The following MKLN1 variants were observed in gnomAD, a reference collection of about 807,000 sequenced individuals.
MKLN1 encodes muskelin.
In MKLN1, 18 loss-of-function variants were observed where a neutral mutation model predicts 99.0. That is an observed-to-expected ratio of 0.18 (90% CI 0.13 to 0.27). MKLN1 has a LOEUF of 0.27. Ranked by LOEUF, MKLN1 falls within the 10% of genes least tolerant of loss-of-function variation. The pLI, the probability that MKLN1 is intolerant of heterozygous loss-of-function variation, is 1.00. For missense variants in MKLN1, 621 were observed against 875.9 expected (o/e 0.71, Z 3.67); for synonymous variants, 288 against 293.2 (o/e 0.98, Z 0.18).
intron 3 of MKLN1, 125 bp from the exon 4 acceptor site, chr7:131,388,759 A>G (rs1584686016): frequency 5.1e-6 from 3 of 585,676 alleles, no homozygotes; most frequent in East Asian, 5.9e-5. Context: ...ACTTGTTTAT[A>G]TTGTCTTGGT....
chr7:131,251,293 C>T (rs1287789137), intron 3 of MKLN1, among the ~76,000 whole-genome samples: 10 of 152,198 alleles, frequency 6.6e-5, no homozygotes, highest in African/African-American at 2.2e-4. Context: ...AGATATTAAA[C>T]GACCTTATTG....
At position 131,315,406 on chromosome 7, in the gene MKLN1, C is replaced by T. The variant is rs147641585; in HGVS notation, c.-178-60018C>T. On this transcript the variant is annotated intron_variant, in intron 3 of 7. Transcript: ENST00000416992. ...TGCTTTTCCCACGGTATTTGCAAGCCGGAGATCAGGAGAGTCCTTCGTGAG... is the reference window on the plus strand; with the variant it reads ...TGCTTTTCCCACGGTATTTGCAAGCTGGAGATCAGGAGAGTCCTTCGTGAG... Among the ~76,000 whole-genome samples, 17 of 152,240 alleles carry T rather than the reference C, an allele frequency of 1.1e-4. No homozygotes were observed. The East Asian group carries it at 2.7e-3, about 24-fold the overall frequency.
chr7:131,416,700 A>C (rs1270848024), intron 8 of MKLN1, among the ~76,000 whole-genome samples: 1 of 152,010 alleles, frequency 6.6e-6, no homozygotes. Flanking sequence ...TATTTCAGCT[A>C]GGCACAGTGA....
At chr7:131,243,726 A>T (rs1373075162) in intron 3 of MKLN1, among the ~76,000 whole-genome samples, 4 of 152,204 alleles carry the variant, frequency 2.6e-5, no homozygotes, top group African/African-American at 7.2e-5. Context: ...TTTAAAAATT[A>T]TGTCAGGCCC....
intron 9 of MKLN1, among the ~76,000 whole-genome samples, chr7:131,433,549 A>G (rs1211853361): frequency 6.6e-6 from 1 of 152,234 alleles, no homozygotes; most frequent in Non-Finnish European, 1.5e-5. Context: ...CAAAATGGTT[A>G]TACCATTTTA....
At position 131,394,108 on chromosome 7, in the gene MKLN1, A is replaced by G. The variant is rs183947427; in HGVS notation, c.401-3159A>G. On this transcript the variant is annotated intron_variant, in intron 4 of 17. Transcript: ENST00000352689. ...ATAAACTTTTAAATGACACTGCTACATAAAGAAACACTAAAACAATAAAGA... is the reference window on the plus strand; with the variant it reads ...ATAAACTTTTAAATGACACTGCTACGTAAAGAAACACTAAAACAATAAAGA... Among the ~76,000 whole-genome samples the G allele has an allele frequency of 4.6e-5, 7 of 152,198 alleles. No individual in the cohort carries two copies. The East Asian group carries it at 1.3e-3, about 29-fold the overall frequency.
chr7:131,477,237 A>G (rs1446858146), intron 16 of MKLN1, among the ~76,000 whole-genome samples: 1 of 152,162 alleles, frequency 6.6e-6, no homozygotes, highest in Non-Finnish European at 1.5e-5. Context: ...ATTTCTGCTC[A>G]TTAAAGGACT....
At chr7:131,261,710 A>C (rs1337998704) in intron 3 of MKLN1, among the ~76,000 whole-genome samples, 1 of 152,218 alleles carries the variant, frequency 6.6e-6, no homozygotes, top group Non-Finnish European at 1.5e-5. Context: ...TCACTGAAGC[A>C]CTATTCACAA....
intron 1 of MKLN1, among the ~76,000 whole-genome samples, chr7:131,342,537 G>A (rs1276254900): frequency 6.6e-6 from 1 of 152,236 alleles, no homozygotes; most frequent in Admixed American, 6.5e-5. Context: ...TTTGGAAGCA[G>A]TGAAACTTGT....
chr7:131,140,526 A>G (rs1356900027), intron 1 of MKLN1, among the ~76,000 whole-genome samples: 1 of 151,940 alleles, frequency 6.6e-6, no homozygotes, highest in East Asian at 1.9e-4. Context: ...ATGAACACTG[A>G]TGTTCAAAAG....
intron 1 of MKLN1, among the ~76,000 whole-genome samples, chr7:131,120,231 A>AT (rs1349254014): frequency 6.6e-6 from 1 of 151,184 alleles, no homozygotes; most frequent in Non-Finnish European, 1.5e-5. Context: ...CAGCTTAGAA[A>AT]TTTTTTCTGT....
intron 2 of MKLN1, among the ~76,000 whole-genome samples, chr7:131,151,830 C>T (rs1467237048): frequency 2.6e-5 from 4 of 152,116 alleles, no homozygotes; most frequent in Non-Finnish European, 4.4e-5. Flanking sequence ...CACACTCATA[C>T]ACACACCAGA....
Position 131,187,323 on chromosome 7 carries a change from C to CTT in MKLN1, c.-296-15522_-296-15521dup, listed in dbSNP as rs67338403. On this transcript the variant is annotated intron_variant, in intron 2 of 7. Coordinates refer to the MKLN1 transcript ENST00000416992. ...GAGGAAGTAAATTCACTTCATTTGT[C>CTT]TTTTTTTTTTTTTCCAAAACAACTG... Among the ~76,000 whole-genome samples, 1,011 of 146,940 alleles carry CTT rather than the reference C, an allele frequency of 6.9e-3. 8 individuals carry two copies. The highest frequency in any genetic ancestry group is 0.034 in the East Asian group (172 of 5,058).
chr7:131,223,572 T>C (rs576689752), intron 3 of MKLN1, among the ~76,000 whole-genome samples: 1 of 152,272 alleles, frequency 6.6e-6, no homozygotes, highest in South Asian at 2.1e-4. Context: ...CTTTCATGCC[T>C]CCTGTCAGCT....
chr7:131,434,384 A>T (rs1187634172), intron 9 of MKLN1, among the ~76,000 whole-genome samples: 3 of 152,096 alleles, frequency 2.0e-5, no homozygotes. Flanking sequence ...TTTACTTTCC[A>T]TTTGTTGGCT....
chr7:131,407,607 G>T (rs1355282453), intron 6 of MKLN1, among the ~76,000 whole-genome samples: 3 of 149,868 alleles, frequency 2.0e-5, no homozygotes, highest in African/African-American at 7.4e-5. Flanking sequence ...TTAAGATTTT[G>T]TTTCTTAGCA....
chr7:131,295,839 T>TC, intron 3 of MKLN1, among the ~76,000 whole-genome samples: 1 of 145,376 alleles, frequency 6.9e-6, no homozygotes, highest in Non-Finnish European at 1.5e-5. Context: ...GAGTAATGAT[T>TC]CCACTACTGC....
chr7:131,125,201 T>C (rs1795434673), intron 1 of MKLN1, among the ~76,000 whole-genome samples: 1 of 152,248 alleles, frequency 6.6e-6, no homozygotes, highest in South Asian at 2.1e-4. Flanking sequence ...GCTTATCTGA[T>C]ATCTACTGAC....
intron 1 of MKLN1, among the ~76,000 whole-genome samples, chr7:131,339,445 C>A (rs11766655): frequency 0.037 from 5,596 of 152,224 alleles, 133 homozygotes; most frequent in Non-Finnish European, 0.053. Flanking sequence ...TGGCTCGTGC[C>A]TGTAATCCCA....
Sources: allele counts gnomAD v4.1 joint callset (sites outside exome capture counted in the v4.1 genomes callset), GRCh38; gene constraint gnomAD v4.1.1; transcripts MANE v1.5; gene names NCBI Gene and HGNC (gene_info 2026-07-23, HGNC 2026-07-21).